The following RGS7 variants were observed in gnomAD, a reference collection of about 807,000 sequenced individuals.
RGS7 encodes the protein regulator of G-protein signaling 7.
A neutral mutation model predicts 81.1 loss-of-function variants in RGS7; 27 were observed. The ratio of observed to expected loss-of-function variants is 0.33; its 90% CI spans 0.25 to 0.46. The LOEUF is 0.46. Among genes scored for constraint, RGS7 ranks in the 20% least tolerant of loss-of-function variants. The pLI is 1.00. For synonymous variants in RGS7, 208 were observed against 207.7 expected, an observed-to-expected ratio of 1.00 and a Z score of -0.01; for missense variants, 396 against 607.4, an observed-to-expected ratio of 0.65 and a Z score of 3.66.
intron 2 of RGS7, among the ~76,000 whole-genome samples, chr1:241,345,071 C>A (rs971331626): frequency 1.1e-4 from 16 of 152,140 alleles, no homozygotes; most frequent in African/African-American, 3.6e-4. Flanking sequence ...AGAACAAGAT[C>A]ATGTCTTTTG....
At chr1:240,931,066 G>A (rs73118012) in intron 5 of RGS7, among the ~76,000 whole-genome samples, 4,888 of 152,108 alleles carry the variant, frequency 0.032, 245 homozygotes, top group African/African-American at 0.11. Flanking sequence ...GTATATTCAA[G>A]CAAAAAGTAT....
chr1:240,944,066 G>T (rs1027502724), intron 4 of RGS7, among the ~76,000 whole-genome samples: 1 of 151,876 alleles, frequency 6.6e-6, no homozygotes, highest in African/African-American at 2.4e-5. Context: ...TCTAATGGCA[G>T]TTATGACATC....
chr1:240,791,767 T>C (rs1686051282), intron 18 of RGS7, among the ~76,000 whole-genome samples: 1 of 152,224 alleles, frequency 6.6e-6, no homozygotes, highest in Non-Finnish European at 1.5e-5. Flanking sequence ...GAAATTAAAT[T>C]TGGACACCAT....
chr1:241,230,159 GA>G (rs2075572198), intron 2 of RGS7, among the ~76,000 whole-genome samples: 1 of 151,856 alleles, frequency 6.6e-6, no homozygotes, highest in African/African-American at 2.4e-5. Flanking sequence ...TACTTAATAT[GA>G]GTCCATATAA....
chr1:241,229,024 T>C (rs1477473717), intron 2 of RGS7, among the ~76,000 whole-genome samples: 2 of 151,064 alleles, frequency 1.3e-5, no homozygotes, highest in Admixed American at 6.6e-5. Context: ...TTTTTGCAAC[T>C]TTTTGTAAGT....
In RGS7 at chr1:241,192,527, C is replaced by T. The variant is rs572650543; in HGVS notation, c.79-93765G>A. ...AGGCAAAGAATGCCTACTTCAGCTT[C>T]TAGAAACAGAAGTCATCCAGGATTT... On this transcript the variant is annotated intron_variant, in intron 2 of 18. Coordinates refer to ENST00000440928, the MANE Select transcript of RGS7 (RefSeq NM_001364886.1). Among the ~76,000 whole-genome samples, 30 of 152,236 alleles carry T rather than the reference C, an allele frequency of 2.0e-4. No individual in the cohort carries two copies. In the South Asian group the frequency reaches 5.8e-3, roughly 29 times the overall value.
chr1:241,046,495 T>C (rs1377981402), intron 3 of RGS7, among the ~76,000 whole-genome samples: 1 of 152,214 alleles, frequency 6.6e-6, no homozygotes, highest in Non-Finnish European at 1.5e-5. Flanking sequence ...GCCAAACTTT[T>C]GATATCATTC....
chr1:241,143,260 C>G (rs184806649), intron 2 of RGS7, among the ~76,000 whole-genome samples: 130 of 152,312 alleles, frequency 8.5e-4, no homozygotes, highest in African/African-American at 3.0e-3. Flanking sequence ...GTCATTTCCA[C>G]ATGTTTGGGT....
In RGS7 at chr1:241,303,574, A is replaced by T. The variant is rs796366940; in HGVS notation, c.78+52125T>A. Among the ~76,000 whole-genome samples, 3 of 152,200 alleles carry T rather than the reference A, an allele frequency of 2.0e-5. No individual in the cohort carries two copies. The South Asian group carries it at 6.2e-4, about 32-fold the overall frequency. ...ATACCATTAGATGTCTACTCTACAC[A>T]ATGGTCATATTTCTTTGGTAAACCT... is the stretch of plus-strand genomic sequence containing the variant. On this transcript the variant is annotated intron_variant, in intron 2 of 18. Transcript: ENST00000440928.
At chr1:240,801,262 A>G (rs1262868932) in intron 17 of RGS7, among the ~76,000 whole-genome samples, 193 bp downstream of exon 17, 1 of 152,180 alleles carries the variant, frequency 6.6e-6, no homozygotes. Context: ...GTTCATATAT[A>G]ACATCTTTTT....
At chr1:241,321,027 T>C (rs191891350) in intron 2 of RGS7, among the ~76,000 whole-genome samples, 131 of 152,332 alleles carry the variant, frequency 8.6e-4, no homozygotes, top group African/African-American at 3.0e-3. Context: ...CACTGGAATA[T>C]TGGAAGACAC....
intron 2 of RGS7, among the ~76,000 whole-genome samples, chr1:241,198,718 C>A (rs547136446): frequency 1.3e-5 from 2 of 152,192 alleles, no homozygotes; most frequent in African/African-American, 2.4e-5. Flanking sequence ...AAATCTATAA[C>A]CTCAGTGTTG....
At chr1:241,086,338 G>T (rs992318507) in intron 3 of RGS7, among the ~76,000 whole-genome samples, 1 of 152,184 alleles carries the variant, frequency 6.6e-6, no homozygotes, top group Non-Finnish European at 1.5e-5. Flanking sequence ...TGCATTCATT[G>T]TCAAAGTCAT....
intron 2 of RGS7, among the ~76,000 whole-genome samples, chr1:241,318,418 G>A (rs2081013470): frequency 6.6e-6 from 1 of 151,698 alleles, no homozygotes; most frequent in Non-Finnish European, 1.5e-5. Flanking sequence ...GCCCTTGCCA[G>A]CATCTAAAAG....
chr1:241,090,929 G>A (rs576369887), intron 3 of RGS7, among the ~76,000 whole-genome samples: 16 of 152,250 alleles, frequency 1.1e-4, no homozygotes, highest in African/African-American at 3.4e-4. Context: ...TCTGACATGC[G>A]TGTGCTTGTC....
At chr1:241,013,361 C>A (rs1309396206) in intron 3 of RGS7, among the ~76,000 whole-genome samples, 1 of 152,158 alleles carries the variant, frequency 6.6e-6, no homozygotes, top group Non-Finnish European at 1.5e-5. Flanking sequence ...CCGCACCTGG[C>A]CCTGATCCCT....
chr1:240,930,848 C>A (rs1027005085), intron 5 of RGS7, 80 bp from the exon 6 acceptor site: 1 of 1,286,622 alleles, frequency 7.8e-7, no homozygotes, highest in East Asian at 2.3e-5. Flanking sequence ...TTACATTTAT[C>A]TTCCACAATT....
intron 6 of RGS7, among the ~76,000 whole-genome samples, chr1:240,877,841 C>CTTTT (rs1665707726): frequency 6.6e-6 from 1 of 152,118 alleles, no homozygotes; most frequent in Non-Finnish European, 1.5e-5. Context: ...TCTTTATAAC[C>CTTTT]AAATTTCAGA....
chr1:241,118,349 T>A (rs1317511966), intron 2 of RGS7, among the ~76,000 whole-genome samples: 2 of 152,224 alleles, frequency 1.3e-5, no homozygotes, highest in Non-Finnish European at 2.9e-5. Context: ...GCCAAACCTC[T>A]TGCCTTCCGC....
Sources: gnomAD v4.1 joint callset for allele counts (sites outside exome capture counted in the v4.1 genomes callset) on GRCh38, gnomAD v4.1.1 for gene constraint, MANE v1.5 for transcripts, NCBI Gene and HGNC (gene_info 2026-07-23, HGNC 2026-07-21) for gene names.